ZEB2: variants seen among roughly 807,000 people sequenced by gnomAD.
The protein encoded by ZEB2 is zinc finger E-box binding homeobox 2, also known as zinc finger E-box-binding homeobox 2.
A neutral mutation model predicts 99.9 loss-of-function variants in ZEB2; 6 were observed. The observed-to-expected ratio is 0.06, with a 90% confidence interval of 0.03 to 0.12. ZEB2 has a LOEUF of 0.12. Among genes scored for constraint, ZEB2 ranks in the 10% least tolerant of loss-of-function variants. ZEB2 has a pLI of 1.00. For synonymous variants in ZEB2, 517 were observed against 542.5 expected, an observed-to-expected ratio of 0.95 and a Z score of 0.65; for missense variants, 969 against 1,502.8, an observed-to-expected ratio of 0.64 and a Z score of 5.87.
At chr2:144,512,331 G>A in intron 2 of ZEB2, 1 of 1,287,196 alleles carries the variant, frequency 7.8e-7, no homozygotes, top group Non-Finnish European at 1.0e-6. Flanking sequence ...ACTGTTGCAA[G>A]GAAAAGAATC....
intron 8 of ZEB2, chr2:144,397,985 C>G (rs886643775): frequency 5.5e-6 from 2 of 363,676 alleles, no homozygotes; most frequent in Non-Finnish European, 1.1e-5. Context: ...ACTTTAACTT[C>G]TAGCACCTAG....
intron 6 of ZEB2, 127 bp downstream of exon 6, chr2:144,403,789 G>A: frequency 8.4e-7 from 1 of 1,193,278 alleles, no homozygotes; most frequent in Non-Finnish European, 1.2e-6. Context: ...CTCAATTAAA[G>A]CTATTACCAT....
At chr2:144,417,517 C>T (rs1283814974) in intron 4 of ZEB2, among the ~76,000 whole-genome samples, 1 of 152,124 alleles carries the variant, frequency 6.6e-6, no homozygotes, top group Admixed American at 6.5e-5. Flanking sequence ...TGTTTCTGTG[C>T]TTGGCTTATT....
chr2:144,515,296 C>CTT (rs1426675108), intron 2 of ZEB2, among the ~76,000 whole-genome samples: 1 of 151,762 alleles, frequency 6.6e-6, no homozygotes, highest in Non-Finnish European at 1.5e-5. Flanking sequence ...GCTTTAGATA[C>CTT]TTGTAAGAGG....
At chr2:144,435,191 G>C (rs1703820337) in intron 2 of ZEB2, among the ~76,000 whole-genome samples, 1 of 152,110 alleles carries the variant, frequency 6.6e-6, no homozygotes, top group Non-Finnish European at 1.5e-5. Flanking sequence ...ATTTGCAAAT[G>C]CTTCCTCAAG....
At chr2:144,464,974 T>C (rs374695837) in intron 2 of ZEB2, among the ~76,000 whole-genome samples, 28 of 152,318 alleles carry the variant, frequency 1.8e-4, no homozygotes, top group African/African-American at 5.5e-4. Flanking sequence ...AGTAAATATG[T>C]ACAGAAATTG....
chr2:144,428,885 T>G (rs1428231807), intron 3 of ZEB2: 1 of 152,140 alleles, frequency 6.6e-6, no homozygotes, highest in African/African-American at 2.4e-5. Context: ...ATGATAACTC[T>G]CAGTGGGTCC....
rs794727924 is a variant in ZEB2, at chr2:144,398,486, G to C, written c.2701C>G (p.Gln901Glu). The change falls in exon 8 of 10, where the codon CAA becomes GAA. Residue 901 changes from glutamine (Q) to glutamate (E), a missense_variant. By Grantham distance (29) the Gln-to-Glu change is conservative. This residue lies in a region of ZEB2 where 346 missense variants were observed against 460.0 expected (regional missense o/e 0.75). Coordinates refer to ENST00000627532, the MANE Select transcript of ZEB2 (RefSeq NM_014795.4). Reference protein sequence around the residue: ...AKPLYTALPPQSAFPPATFMP... With the variant: ...AKPLYTALPPESAFPPATFMP... ...AAAGTAGCAGGGGGAAATGCGCTTT[G>C]AGGTGGAAGAGCTGTGTATAAAGGT... The C allele has an allele frequency of 6.2e-7, 1 of 1,613,956 alleles. No homozygotes were observed. The highest frequency in any genetic ancestry group is 2.2e-5 in the East Asian group (1 of 44,894).
At chr2:144,400,592 A>G (rs930577422) in intron 7 of ZEB2, among the ~76,000 whole-genome samples, 4 of 152,234 alleles carry the variant, frequency 2.6e-5, no homozygotes, top group African/African-American at 9.6e-5. Context: ...CACAATAAAG[A>G]TGTCACAGTA....
At chr2:144,400,566 A>G (rs1405405778) in intron 7 of ZEB2, among the ~76,000 whole-genome samples, 2 of 152,336 alleles carry the variant, frequency 1.3e-5, no homozygotes, top group East Asian at 1.9e-4. Flanking sequence ...GTGTCAGACT[A>G]ATGTGTGGTC....
intron 3 of ZEB2, chr2:144,429,548 C>A (rs1017485156): frequency 1.5e-6 from 1 of 679,608 alleles, no homozygotes; most frequent in African/African-American, 1.8e-5. Flanking sequence ...TGACTTGCAT[C>A]AAAACTGAAA....
Position 144,399,222 on chromosome 2 carries a change from G to T in ZEB2, c.1965C>A (p.His655Gln). 1 of 1,614,140 alleles carries T rather than the reference G, an allele frequency of 6.2e-7. No individual in the cohort carries two copies. Among genetic ancestry groups the T allele is most frequent in the Non-Finnish European group, 8.5e-7 (1 of 1,180,014 alleles). The change falls in exon 8 of 10, where the codon CAC becomes CAA. Residue 655 changes from histidine to glutamine, a missense_variant. Transcript: ENST00000627532. This position sits in a 1 kb window ranked among gnomAD's most constrained non-coding sequence, Gnocchi z 5.6. ...MTSPINPYKDHMSVLKAYYAM... is the reference protein window; with the variant it reads ...MTSPINPYKDQMSVLKAYYAM... ...CATAGTATGCTTTGAGTACAGACAT[G>T]TGGTCCTTGTATGGGTTGATGGGGC...
intron 3 of ZEB2, chr2:144,425,073 G>A: frequency 1.7e-6 from 1 of 575,480 alleles, no homozygotes; most frequent in Non-Finnish European, 3.1e-6. Flanking sequence ...AAGCATTACT[G>A]CAAGCTGTGA....
chr2:144,506,709 G>GA (rs969887374), intron 2 of ZEB2, among the ~76,000 whole-genome samples: 4 of 152,020 alleles, frequency 2.6e-5, no homozygotes, highest in African/African-American at 9.7e-5. Context: ...TTGAGAGAAA[G>GA]AAAAAAACCT....
rs529781092 is a variant in ZEB2 at position 144,385,947 on chromosome 2, C to G, written c.*3504G>C. The G allele has an allele frequency of 6.6e-6, 1 of 152,124 alleles. No individual in the cohort carries two copies. The highest frequency in any genetic ancestry group is 2.4e-5 in the African/African-American group (1 of 41,418). 9.4% of individuals were successfully genotyped at this position (152,124 alleles called of 1,614,324 possible). A position where few individuals can be genotyped will look rare whatever the true frequency, so the allele number is the denominator to read the frequency against. Reference sequence around the variant, plus strand: ...CACTCCGCCCCCAGTCCAATTCATGCTAAGGAAGATGTATGTTTTGTTTAG... The same window carrying G: ...CACTCCGCCCCCAGTCCAATTCATGGTAAGGAAGATGTATGTTTTGTTTAG... On this transcript the variant is annotated 3_prime_UTR_variant, in exon 10 of 10. Transcript: ENST00000627532.
chr2:144,454,765 T>C (rs865781775), intron 2 of ZEB2, among the ~76,000 whole-genome samples: 2 of 152,194 alleles, frequency 1.3e-5, no homozygotes, highest in African/African-American at 4.8e-5. Context: ...GCTCAGAATG[T>C]AGGGATTTTG....
intron 2 of ZEB2, chr2:144,504,049 A>G (rs1471580842): frequency 7.2e-6 from 1 of 139,142 alleles, no homozygotes; most frequent in Non-Finnish European, 1.5e-5. Flanking sequence ...AAAGAGAGGG[A>G]TTGTTCACTT....
At chr2:144,424,481 A>AT (rs1408419229) in intron 4 of ZEB2, 15 of 555,656 alleles carry the variant, frequency 2.7e-5, no homozygotes, top group Non-Finnish European at 4.1e-5. Flanking sequence ...TTTTAAAATA[A>AT]TTTTTTGCAG....
chr2:144,467,937 T>G (rs1704294742), intron 2 of ZEB2, among the ~76,000 whole-genome samples: 1 of 152,008 alleles, frequency 6.6e-6, no homozygotes, highest in Non-Finnish European at 1.5e-5. Context: ...TAACACAGGC[T>G]GAATGGTAGG....
Sources: allele counts gnomAD v4.1 joint callset (sites outside exome capture counted in the v4.1 genomes callset), GRCh38; gene constraint gnomAD v4.1.1; regional missense constraint gnomAD v4.1.1; non-coding constraint Gnocchi (gnomAD v3.1); transcripts MANE v1.5; gene names NCBI Gene and HGNC (gene_info 2026-07-23, HGNC 2026-07-21).